The following CTSC variants were observed in gnomAD, a reference collection of about 807,000 sequenced individuals.
CTSC encodes cathepsin C.
A neutral mutation model predicts 40.9 loss-of-function variants in CTSC; 37 were observed. The observed-to-expected ratio is 0.91, with a 90% CI of 0.70 to 1.19. The LOEUF (loss-of-function observed/expected upper bound fraction) is 1.19. Ranked by LOEUF, CTSC falls within the 50% of genes most tolerant of loss-of-function variation. CTSC has a pLI of 0.00. For missense variants in CTSC, 594 were observed against 567.3 expected, an observed-to-expected ratio of 1.05 and a Z score of -0.48; for synonymous variants, 232 against 207.4, an observed-to-expected ratio of 1.12 and a Z score of -1.02.
In CTSC at chr11:88,337,704, T is replaced by C. The variant is rs761807760; in HGVS notation, c.-32A>G. ...GGGAGCTGAGAAAAGAGGTGAAGAATTACCAGGAAGCCGAGCGCTGCGGGC... is the reference window on the plus strand; with the variant it reads ...GGGAGCTGAGAAAAGAGGTGAAGAACTACCAGGAAGCCGAGCGCTGCGGGC... On this transcript the variant is annotated 5_prime_UTR_variant, in exon 1 of 7. Coordinates refer to ENST00000227266, the MANE Select transcript of CTSC (RefSeq NM_001814.6). 3.2e-6 allele frequency: 5 copies of C among 1,554,524 alleles called. No homozygotes were observed. The highest frequency in any genetic ancestry group is 1.9e-5 in the Admixed American group (1 of 51,538).
chr11:88,312,369 C>T lies in CTSC; in HGVS notation c.485+19G>A. 1.2e-6 allele frequency: 2 copies of T among 1,612,800 alleles called. No individual in the cohort carries two copies. The highest frequency in any genetic ancestry group is 1.7e-6 in the Non-Finnish European group (2 of 1,178,920). On this transcript the variant is annotated intron_variant, in intron 3 of 6. Coordinates refer to ENST00000227266, the MANE Select transcript of CTSC (RefSeq NM_001814.6). ...CTATAAAACAAAACTAAACGTATGT[C>T]TCATTTGTAGCAACTCACTTTTCCT...
intron 4 of CTSC, among the ~76,000 whole-genome samples, chr11:88,307,433 T>G (rs1251875854): frequency 6.6e-6 from 1 of 152,150 alleles, no homozygotes; most frequent in Non-Finnish European, 1.5e-5. Flanking sequence ...TATCTAAATT[T>G]CTGACTAGAC....
chr11:88,311,191 T>TA (rs1474110275), intron 3 of CTSC, among the ~76,000 whole-genome samples: 2 of 152,302 alleles, frequency 1.3e-5, no homozygotes, highest in Non-Finnish European at 2.9e-5. Context: ...AAATATCAAA[T>TA]AGAGTACAAT....
chr11:88,336,224 T>C (rs1938488176), intron 1 of CTSC, among the ~76,000 whole-genome samples: 1 of 131,922 alleles, frequency 7.6e-6, no homozygotes, highest in Non-Finnish European at 1.6e-5. Context: ...TGCCCCAACC[T>C]TCAAACTCAA....
At chr11:88,304,384 AG>A (rs1316565529) in intron 4 of CTSC, among the ~76,000 whole-genome samples, 3 of 152,242 alleles carry the variant, frequency 2.0e-5, no homozygotes, top group Admixed American at 2.0e-4. Flanking sequence ...ATGCTGATAC[AG>A]TTTAAAGCAA....
chr11:88,328,044 A>T, intron 2 of CTSC: 2 of 982,472 alleles, frequency 2.0e-6, no homozygotes, highest in Non-Finnish European at 3.3e-6. Flanking sequence ...ATTAATTTGC[A>T]TAAGCCATCA....
rs141588733 is a variant in CTSC, at chr11:88,319,672, A to G, written c.319-7118T>C. On this transcript the variant is annotated intron_variant, in intron 2 of 6. Transcript: ENST00000227266. Reference sequence around the variant, plus strand: ...TAGGGCACAATTTTATGACATTAATAAAGTATTTAATCGCTTAATATTTCA... The same window carrying G: ...TAGGGCACAATTTTATGACATTAATGAAGTATTTAATCGCTTAATATTTCA... Among the ~76,000 whole-genome samples, 610 of 152,268 alleles carry G rather than the reference A, an allele frequency of 4.0e-3. 5 individuals carry two copies. The highest frequency in any genetic ancestry group is 0.014 in the African/African-American group (592 of 41,560).
intron 4 of CTSC, among the ~76,000 whole-genome samples, chr11:88,304,001 C>A (rs1454016151): frequency 1.3e-5 from 2 of 151,200 alleles, no homozygotes; most frequent in East Asian, 3.9e-4. Flanking sequence ...GTGACAAGGG[C>A]TATGGGAGTT....
intron 2 of CTSC, among the ~76,000 whole-genome samples, chr11:88,333,048 A>G (rs1171406079): frequency 6.6e-6 from 1 of 152,252 alleles, no homozygotes; most frequent in South Asian, 2.1e-4. Context: ...AAAAAGTGAT[A>G]CAATTCCTCA....
chr11:88,316,969 A>ATT (rs1248755301), intron 2 of CTSC, among the ~76,000 whole-genome samples: 1 of 144,378 alleles, frequency 6.9e-6, no homozygotes. Context: ...GGTTGTCTTA[A>ATT]TTTTTTTTTT....
chr11:88,307,851 G>A (rs1937667495), intron 4 of CTSC, among the ~76,000 whole-genome samples: 1 of 152,070 alleles, frequency 6.6e-6, no homozygotes, highest in Non-Finnish European at 1.5e-5. Flanking sequence ...ATCACCCAAC[G>A]GGTTCTCCTT....
Position 88,299,153 on chromosome 11 carries a change from C to T in CTSC, c.757+1377G>A, listed in dbSNP as rs184259576. 3.3e-5 allele frequency: 5 copies of T among 152,212 alleles called. No individual in the cohort carries two copies. The East Asian group carries it at 9.7e-4, about 29-fold the overall frequency. 9.4% of individuals were successfully genotyped at this position (152,212 alleles called of 1,614,324 possible). A position where few individuals can be genotyped will look rare whatever the true frequency, so the allele number is the denominator to read the frequency against. ...AGAAGCAACACTATAGTATCAGTAG[C>T]TCAAATTATATCATGCCAATGCTAT... On this transcript the variant is annotated intron_variant, in intron 5 of 6. Transcript: ENST00000227266.
At chr11:88,331,027 C>G (rs1938340465) in intron 2 of CTSC, among the ~76,000 whole-genome samples, 1 of 152,146 alleles carries the variant, frequency 6.6e-6, no homozygotes, top group Non-Finnish European at 1.5e-5. Flanking sequence ...AAAGCAGGAG[C>G]CTAAAAGAAT....
chr11:88,336,023 G>C (rs763559829), intron 1 of CTSC, among the ~76,000 whole-genome samples: 1 of 152,106 alleles, frequency 6.6e-6, no homozygotes, highest in African/African-American at 2.4e-5. Flanking sequence ...ATAGATGAGG[G>C]CTCAGACCTG....
chr11:88,294,004 C>A lies in CTSC; in HGVS notation c.*2G>T, dbSNP rs1201131049. 9 of 1,613,730 alleles carry A rather than the reference C, an allele frequency of 5.6e-6. No homozygotes were observed. The highest frequency in any genetic ancestry group is 2.5e-6 in the Non-Finnish European group (3 of 1,179,976). ...TCATTATGAAATACTGGAAGGCATA[C>A]CCTACAATTTAGGAATTGGTGTGGC... On this transcript the variant is annotated 3_prime_UTR_variant, in exon 7 of 7. Transcript: ENST00000227266.
chr11:88,335,406 C>T (rs533391005), intron 1 of CTSC, among the ~76,000 whole-genome samples: 78 of 152,076 alleles, frequency 5.1e-4, no homozygotes, highest in Middle Eastern at 3.2e-3. Context: ...CCTGTCTCTA[C>T]AAAAATAATT....
chr11:88,293,966 C>G lies in CTSC; in HGVS notation c.*40G>C. The stretch of plus-strand genomic sequence containing the variant: ...CTGTGAATATACCAATTCCCCTTTA[C>G]AACTGATGCAGATCATTATGAAATA... On this transcript the variant is annotated 3_prime_UTR_variant, in exon 7 of 7. Coordinates refer to ENST00000227266, the MANE Select transcript of CTSC (RefSeq NM_001814.6). 6.2e-7 allele frequency: 1 copy of G among 1,609,224 alleles called. No individual in the cohort carries two copies. The highest frequency in any genetic ancestry group is 1.1e-5 in the South Asian group (1 of 91,014).
At chr11:88,298,126 C>T (rs1289751662) in intron 5 of CTSC, 1 of 152,084 alleles carries the variant, frequency 6.6e-6, no homozygotes, top group African/African-American at 2.4e-5. Flanking sequence ...AAGGTCTCTG[C>T]CTTCCTGCTC....
At chr11:88,305,095 C>CA (rs397727219) in intron 4 of CTSC, among the ~76,000 whole-genome samples, 89,764 of 146,548 alleles carry the variant, frequency 0.61, 27,278 homozygotes, top group East Asian at 0.65. Flanking sequence ...GAGACTCTGT[C>CA]AAAAAAAAAA....
Sources: allele counts gnomAD v4.1 joint callset (sites outside exome capture counted in the v4.1 genomes callset), GRCh38; gene constraint gnomAD v4.1.1; transcripts MANE v1.5; gene names NCBI Gene and HGNC (gene_info 2026-07-23, HGNC 2026-07-21).